The following CTNNA2 variants were observed in gnomAD, a reference collection of about 807,000 sequenced individuals.
The protein encoded by CTNNA2 is catenin alpha 2, also known as catenin alpha-2.
In CTNNA2, 42 loss-of-function variants were observed where a neutral mutation model predicts 101.0. That is an observed-to-expected ratio of 0.42 (90% confidence interval 0.32 to 0.54). The LOEUF (loss-of-function observed/expected upper bound fraction) is 0.54, where lower values mean the gene tolerates loss of function less well. Among genes scored for constraint, CTNNA2 ranks in the 20% least tolerant of loss-of-function variants. CTNNA2 has a pLI of 0.14. For missense variants in CTNNA2, 871 were observed against 1,223.1 expected, an observed-to-expected ratio of 0.71 and a Z score of 4.29; for synonymous variants, 450 against 456.4, an observed-to-expected ratio of 0.99 and a Z score of 0.18.
At chr2:79,738,057 C>T (rs1395005026) in intron 2 of CTNNA2, among the ~76,000 whole-genome samples, 4 of 152,212 alleles carry the variant, frequency 2.6e-5, no homozygotes, top group African/African-American at 9.7e-5. Context: ...TTGGCCACTG[C>T]ACTACCGCCA....
In CTNNA2 at chr2:79,386,470, T is replaced by A. The variant is rs1183187827; in HGVS notation, c.-135+12457T>A. On this transcript the variant is annotated intron_variant, in intron 4 of 21. Transcript: ENST00000466387. ...ACTTTTCCTTCCTCTTAGAATGCAC[T>A]TTTTTCTTCTCCACAATATCCTCCT... 3.3e-5 allele frequency among the ~76,000 whole-genome samples: 5 copies of A among 152,186 alleles called. No individual in the cohort carries two copies. In the East Asian group the frequency reaches 9.6e-4, roughly 29 times the overall value.
chr2:80,565,128 G>A lies in CTNNA2; in HGVS notation c.1742-9035G>A, dbSNP rs192663039. 2.7e-3 allele frequency among the ~76,000 whole-genome samples: 359 copies of A among 133,112 alleles called. 3 individuals are homozygous for A. The highest frequency in any genetic ancestry group is 0.012 in the African/African-American group (299 of 25,696). 87.3% of individuals were successfully genotyped at this position (133,112 alleles called of 152,430 possible). A position where few individuals can be genotyped will look rare whatever the true frequency, so the allele number is the denominator to read the frequency against. The stretch of plus-strand genomic sequence containing the variant: ...GAAACTGGGTGGCTGAGTAGAAACT[G>A]TGTTTCTACTGGGCTAGGCAAGCTG... On this transcript the variant is annotated intron_variant, in intron 12 of 18. Coordinates refer to ENST00000402739, the MANE Select transcript of CTNNA2 (RefSeq NM_001282597.3).
At chr2:79,985,020 G>A (rs761226069) in intron 7 of CTNNA2, among the ~76,000 whole-genome samples, 13 of 152,170 alleles carry the variant, frequency 8.5e-5, no homozygotes, top group Non-Finnish European at 1.8e-4. Flanking sequence ...GAGCTGAGAG[G>A]TTGAGAAGCA....
chr2:79,495,634 T>G (rs567048912), intron 4 of CTNNA2, among the ~76,000 whole-genome samples: 1 of 152,278 alleles, frequency 6.6e-6, no homozygotes, highest in Non-Finnish European at 1.5e-5. Context: ...CAAGAGGAAT[T>G]ATAACACATT....
intron 7 of CTNNA2, among the ~76,000 whole-genome samples, chr2:80,125,723 C>T (rs1215845945): frequency 2.0e-5 from 3 of 152,192 alleles, no homozygotes; most frequent in Admixed American, 2.0e-4. Context: ...GCTCTAGTGC[C>T]TGGTGCTGAA....
rs532751480 is a variant in CTNNA2 at position 79,409,054 on chromosome 2, G to A, written c.-135+35041G>A. On this transcript the variant is annotated intron_variant, in intron 4 of 21. Transcript: ENST00000466387. ...TTGCATTTCTCTGATGGTCAGTGATGGTGAGCATTTTTTCATGTGTTTTTT... is the reference window on the plus strand; with the variant it reads ...TTGCATTTCTCTGATGGTCAGTGATAGTGAGCATTTTTTCATGTGTTTTTT... 2.8e-3 allele frequency among the ~76,000 whole-genome samples: 429 copies of A among 152,162 alleles called. 1 individual carries two copies. The highest frequency in any genetic ancestry group is 9.3e-3 in the African/African-American group (388 of 41,530).
At chr2:79,469,153 G>T (rs1002103955) in intron 4 of CTNNA2, among the ~76,000 whole-genome samples, 3 of 152,058 alleles carry the variant, frequency 2.0e-5, no homozygotes, top group Admixed American at 6.5e-5. Context: ...AAGAAGAAAA[G>T]AGAGAAGAAT....
At chr2:80,430,876 A>C (rs1307234095) in intron 9 of CTNNA2, among the ~76,000 whole-genome samples, 1 of 152,088 alleles carries the variant, frequency 6.6e-6, no homozygotes, top group African/African-American at 2.4e-5. Flanking sequence ...TTTCTCTTGT[A>C]TTTTGTGTTT....
intron 3 of CTNNA2, among the ~76,000 whole-genome samples, chr2:79,848,702 T>C (rs1370551894): frequency 6.6e-6 from 1 of 152,218 alleles, no homozygotes; most frequent in Non-Finnish European, 1.5e-5. Context: ...CTAGTACTTT[T>C]GCATACTGAA....
At chr2:80,468,101 T>C (rs537213406) in intron 9 of CTNNA2, among the ~76,000 whole-genome samples, 1 of 152,332 alleles carries the variant, frequency 6.6e-6, no homozygotes, top group African/African-American at 2.4e-5. Flanking sequence ...GAGGAATTGC[T>C]GGAAGAACCT....
intron 3 of CTNNA2, among the ~76,000 whole-genome samples, chr2:79,811,644 G>T (rs1007438959): frequency 6.6e-5 from 10 of 152,064 alleles, no homozygotes; most frequent in Admixed American, 5.9e-4. Context: ...TAAGAATCTT[G>T]AAATCAAGTA....
chr2:80,600,408 A>AG (rs1213885406), intron 15 of CTNNA2, among the ~76,000 whole-genome samples: 1 of 151,986 alleles, frequency 6.6e-6, no homozygotes, highest in Non-Finnish European at 1.5e-5. Context: ...TGTAAAAAAA[A>AG]GAAACCTAAC....
intron 7 of CTNNA2, among the ~76,000 whole-genome samples, chr2:80,185,744 T>C (rs1706083150): frequency 6.6e-6 from 1 of 152,176 alleles, no homozygotes; most frequent in African/African-American, 2.4e-5. Context: ...CTGCCTACCA[T>C]TTTCACTTGA....
chr2:80,618,593 C>T (rs1699043099), intron 17 of CTNNA2: 1 of 151,960 alleles, frequency 6.6e-6, no homozygotes, highest in East Asian at 2.0e-4. Context: ...TAAGTATCCC[C>T]TTAGTAGAGG....
At chr2:80,508,561 A>G (rs1437518067) in intron 9 of CTNNA2, among the ~76,000 whole-genome samples, 1 of 152,076 alleles carries the variant, frequency 6.6e-6, no homozygotes, top group Non-Finnish European at 1.5e-5. Context: ...TTTACCCTAC[A>G]ACATATGGAC....
upstream of CTNNA2, among the ~76,000 whole-genome samples, chr2:79,508,227 C>G (rs1003515148): frequency 6.6e-6 from 1 of 152,162 alleles, no homozygotes; most frequent in Non-Finnish European, 1.5e-5. Flanking sequence ...CATATATACA[C>G]ACCTTAGACT....
chr2:79,479,869 G>A (rs890774532), intron 4 of CTNNA2, among the ~76,000 whole-genome samples: 4 of 152,024 alleles, frequency 2.6e-5, no homozygotes, highest in Non-Finnish European at 5.9e-5. Flanking sequence ...GTCGCAGTGA[G>A]CTGAGATCAT....
chr2:80,459,204 A>C (rs1021617791), intron 9 of CTNNA2, among the ~76,000 whole-genome samples: 1 of 152,114 alleles, frequency 6.6e-6, no homozygotes, highest in Non-Finnish European at 1.5e-5. Context: ...CTAAGGATGC[A>C]TTTCTTAGAA....
chr2:80,003,263 AT>A (rs1295343657), intron 7 of CTNNA2, among the ~76,000 whole-genome samples: 1 of 152,082 alleles, frequency 6.6e-6, no homozygotes, highest in Non-Finnish European at 1.5e-5. Flanking sequence ...TATGCATTTC[AT>A]TTTGCCCCAC....
Sources: allele counts gnomAD v4.1 joint callset (sites outside exome capture counted in the v4.1 genomes callset), GRCh38; gene constraint gnomAD v4.1.1; transcripts MANE v1.5; gene names NCBI Gene and HGNC (gene_info 2026-07-23, HGNC 2026-07-21).